CYP24A1: variants seen among roughly 807,000 people sequenced by gnomAD.
The protein encoded by CYP24A1 is 1,25-dihydroxyvitamin D(3) 24-hydroxylase, mitochondrial.
Under a neutral mutation model 62.4 loss-of-function variants are expected in CYP24A1, and 68 were observed. The ratio of observed to expected loss-of-function variants is 1.09; its 90% confidence interval spans 0.90 to 1.33. The LOEUF (loss-of-function observed/expected upper bound fraction) is 1.33, where lower values mean the gene tolerates loss of function less well. Ranked by LOEUF, CYP24A1 falls within the 40% of genes most tolerant of loss-of-function variation. The probability of loss-of-function intolerance (pLI) is 0.00; values close to 1 mark genes in which losing one functional copy is unlikely to be tolerated. For missense variants in CYP24A1, 787 were observed against 653.0 expected, an observed-to-expected ratio of 1.21 and a Z score of -2.24; for synonymous variants, 267 against 253.0, an observed-to-expected ratio of 1.06 and a Z score of -0.52.
At chr20:54,170,362 T>G (rs2092689749) in intron 3 of CYP24A1, among the ~76,000 whole-genome samples, 1 of 152,174 alleles carries the variant, frequency 6.6e-6, no homozygotes, top group Non-Finnish European at 1.5e-5. Flanking sequence ...AGGTACCGTC[T>G]CTACTCATTT....
In CYP24A1 at chr20:54,153,732, C is replaced by T. The variant is rs1219109573; in HGVS notation, c.*1040G>A. On this transcript the variant is annotated 3_prime_UTR_variant, in exon 12 of 12. Transcript: ENST00000216862. ...TATGCACAAATAAACCATCTGTAAACACAATTTTTAAGTCTTATAAGTATT... is the reference window on the plus strand; with the variant it reads ...TATGCACAAATAAACCATCTGTAAATACAATTTTTAAGTCTTATAAGTATT... The T allele has an allele frequency of 6.6e-6, 1 of 152,536 alleles. No individual in the cohort carries two copies. The highest frequency in any genetic ancestry group is 6.5e-5 in the Admixed American group (1 of 15,284). 9.4% of individuals were successfully genotyped at this position (152,536 alleles called of 1,614,324 possible).
chr20:54,166,279 C>T (rs562957272), intron 4 of CYP24A1, among the ~76,000 whole-genome samples: 13 of 152,296 alleles, frequency 8.5e-5, no homozygotes, highest in South Asian at 6.3e-4. Context: ...ACCCATTACA[C>T]GCCAGGTACT....
chr20:54,173,897 A>C lies in CYP24A1; in HGVS notation c.-318T>G. The C allele has an allele frequency of 2.2e-6, 1 of 446,056 alleles. No individual in the cohort carries two copies. The highest frequency in any genetic ancestry group is 4.1e-6 in the Non-Finnish European group (1 of 244,990). 27.6% of individuals were successfully genotyped at this position (446,056 alleles called of 1,614,324 possible). On this transcript the variant is annotated 5_prime_UTR_variant, in exon 1 of 12. Transcript: ENST00000216862. The surrounding 1 kb of genome is among the most constrained non-coding windows in gnomAD (Gnocchi z 7.2). ...GTCCTCCTGTTGGTCCGCAAGGCTG[A>C]CCTCTAGGGTCTGGCTGGAGCCACG...
At chr20:54,155,112 G>A (rs2092622895) in intron 11 of CYP24A1, among the ~76,000 whole-genome samples, 1 of 152,044 alleles carries the variant, frequency 6.6e-6, no homozygotes, top group Admixed American at 6.6e-5. Context: ...TGAAGGCTGG[G>A]GTGTCACAAT....
chr20:54,171,722 G>A, intron 2 of CYP24A1, 52 bp from the exon 3 acceptor site: 1 of 1,613,878 alleles, frequency 6.2e-7, no homozygotes, highest in Non-Finnish European at 8.5e-7. Context: ...AAAAGAAGGA[G>A]ATGCAGAAAT....
chr20:54,151,270 G>T (rs950743304), downstream of CYP24A1, among the ~76,000 whole-genome samples: 1 of 152,168 alleles, frequency 6.6e-6, no homozygotes, highest in Non-Finnish European at 1.5e-5. Flanking sequence ...CATGGCATTT[G>T]TAAACTGTCC....
chr20:54,157,949 A>G lies in CYP24A1; in HGVS notation c.1236+137T>C, dbSNP rs538432164. ...GAATTCTAATTCTATACTATGCAAC[A>G]TGTCAACTATTCTCTACCATCTCTG... On this transcript the variant is annotated intron_variant, in intron 9 of 11. Coordinates refer to ENST00000216862, the MANE Select transcript of CYP24A1 (RefSeq NM_000782.5). 7.3e-5 allele frequency: 105 copies of G among 1,434,428 alleles called. No homozygotes were observed. The Middle Eastern group carries it at 2.6e-3, about 36-fold the overall frequency. The allele number at this position is 1,434,428 out of a possible 1,614,324, so 88.9% of individuals were successfully genotyped here. A position where few individuals can be genotyped will look rare whatever the true frequency, so the allele number is the denominator to read the frequency against.
intron 6 of CYP24A1, among the ~76,000 whole-genome samples, chr20:54,163,871 T>C (rs1055120329): frequency 2.0e-5 from 3 of 152,162 alleles, no homozygotes; most frequent in African/African-American, 7.2e-5. Context: ...TGATTGCACA[T>C]TTGGCCAAGC....
At chr20:54,152,243 C>G (rs1489058815), downstream of CYP24A1, among the ~76,000 whole-genome samples, 1 of 152,218 alleles carries the variant, frequency 6.6e-6, no homozygotes, top group East Asian at 1.9e-4. Flanking sequence ...CTAGAAGTAT[C>G]TTAGAGTTTA....
downstream of CYP24A1, among the ~76,000 whole-genome samples, chr20:54,152,317 C>A (rs528898945): frequency 6.6e-6 from 1 of 152,310 alleles, no homozygotes; most frequent in African/African-American, 2.4e-5. Flanking sequence ...ACAAGGAGAA[C>A]AAACTGAGCT....
chr20:54,157,606 A>T (rs1414514964), intron 9 of CYP24A1, 21 bp from the exon 10 acceptor site: 2 of 1,385,786 alleles, frequency 1.4e-6, no homozygotes, highest in East Asian at 2.3e-5. Context: ...GCAGAGACAC[A>T]TAGTATTTAA....
At position 54,158,158 on chromosome 20, in the gene CYP24A1, C is replaced by T. The variant is rs373504037; in HGVS notation, c.1164G>A (p.Thr388=). The change falls in exon 9 of 12, where the codon ACG becomes ACA. Residue 388 remains threonine (T), a synonymous_variant. Transcript: ENST00000216862. ...TCCGAGTTGTAAATGGTACACTCGG[C>T]GTAAGCCTGAAAAGATAAAATCAAA... ...KACLKESMRL[T]PSVPFTTRTL... is the part of the protein sequence containing the mutation. 1.5e-4 allele frequency: 245 copies of T among 1,613,764 alleles called. 1 individual carries two copies. Among genetic ancestry groups the T allele is most frequent in the Non-Finnish European group, 1.9e-4 (227 of 1,180,002 alleles).
chr20:54,152,131 C>T (rs112979428), downstream of CYP24A1, among the ~76,000 whole-genome samples: 578 of 152,304 alleles, frequency 3.8e-3, 7 homozygotes, highest in African/African-American at 0.013. Context: ...TTGTGCCCTT[C>T]GCCCAGGTTT....
In CYP24A1 at chr20:54,173,609, G is replaced by A. The variant is rs1735228878; in HGVS notation, c.-30C>T. 6.5e-7 allele frequency: 1 copy of A among 1,537,498 alleles called. No homozygotes were observed. Among genetic ancestry groups the A allele is most frequent in the African/African-American group, 1.4e-5 (1 of 73,908 alleles). Reference sequence around the variant, plus strand: ...GCGGGGGACACCGGAGCGCGGGAAGGCAGGAGGATGGGGTGGGGCGAGGTT... The same window carrying A: ...GCGGGGGACACCGGAGCGCGGGAAGACAGGAGGATGGGGTGGGGCGAGGTT... On this transcript the variant is annotated 5_prime_UTR_variant, in exon 1 of 12. Transcript: ENST00000216862. The surrounding 1 kb of genome is among the most constrained non-coding windows in gnomAD (Gnocchi z 7.2).
chr20:54,157,783 C>T (rs891575672), intron 9 of CYP24A1, among the ~76,000 whole-genome samples, 198 bp from the exon 10 acceptor site: 18 of 152,160 alleles, frequency 1.2e-4, no homozygotes, highest in African/African-American at 4.3e-4. Context: ...GTGCACCATA[C>T]TCACAACCAC....
intron 4 of CYP24A1, among the ~76,000 whole-genome samples, chr20:54,167,782 TAAAA>T (rs201216110): frequency 1.3e-5 from 2 of 151,776 alleles, no homozygotes; most frequent in African/African-American, 4.9e-5. Context: ...AATAAGTAAT[TAAAA>T]AAAGTTACTT....
At chr20:54,148,192 T>TTTTC in the CYP24A1 span, among the ~76,000 whole-genome samples, 661 of 152,004 alleles carry the variant, frequency 4.3e-3, 3 homozygotes, top group Middle Eastern at 0.017. Context: ...CTTTTCTTTT[T>TTTTC]TTTTTTGAGA....
the CYP24A1 span, among the ~76,000 whole-genome samples, chr20:54,146,420 A>G: frequency 6.6e-6 from 1 of 152,328 alleles, no homozygotes; most frequent in African/African-American, 2.4e-5. Flanking sequence ...GGCACAATCC[A>G]GAGGACCGCT....
chr20:54,167,487 G>T (rs2146494248), intron 4 of CYP24A1, among the ~76,000 whole-genome samples: 1 of 152,224 alleles, frequency 6.6e-6, no homozygotes, highest in East Asian at 1.9e-4. Context: ...AAACACAAAA[G>T]TTAGTCAGGC....
Sources: allele counts gnomAD v4.1 joint callset (sites outside exome capture counted in the v4.1 genomes callset), GRCh38; gene constraint gnomAD v4.1.1; non-coding constraint Gnocchi (gnomAD v3.1); transcripts MANE v1.5; gene names NCBI Gene and HGNC (gene_info 2026-07-23, HGNC 2026-07-21).